Variants in TNS3 observed in about 807,000 individuals in gnomAD.
The protein encoded by TNS3 is tensin-3.
A neutral mutation model predicts 140.9 loss-of-function variants in TNS3; 45 were observed. The observed-to-expected ratio is 0.32, with a 90% CI of 0.25 to 0.41. The LOEUF is 0.41. TNS3 is among the 10% of genes least tolerant of loss of function. TNS3 has a pLI of 1.00. For synonymous variants in TNS3, 815 were observed against 788.4 expected (o/e 1.03, Z -0.56); for missense variants, 1,716 against 1,906.7 (o/e 0.90, Z 1.86).
chr7:47,541,867 T>C (rs1345203255), intron 1 of TNS3, among the ~76,000 whole-genome samples: 1 of 151,164 alleles, frequency 6.6e-6, no homozygotes, highest in East Asian at 1.9e-4. Flanking sequence ...AAGAATGGCA[T>C]GATCCTGAGA....
chr7:47,316,831 A>G (rs1246630061), intron 20 of TNS3, among the ~76,000 whole-genome samples: 4 of 151,744 alleles, frequency 2.6e-5, no homozygotes, highest in African/African-American at 9.6e-5. Context: ...TTATTTGTCT[A>G]TGAACAATCA....
intron 4 of TNS3, among the ~76,000 whole-genome samples, chr7:47,466,483 T>C (rs1213068422): frequency 6.6e-6 from 1 of 152,204 alleles, no homozygotes; most frequent in Non-Finnish European, 1.5e-5. Context: ...GCAATGTATT[T>C]GAAAAAGACT....
At chr7:47,307,479 T>C (rs1786825729) in intron 20 of TNS3, among the ~76,000 whole-genome samples, 1 of 152,138 alleles carries the variant, frequency 6.6e-6, no homozygotes, top group African/African-American at 2.4e-5. Context: ...CACTTTTGGG[T>C]GAATACCTAG....
chr7:47,528,540 T>C lies in TNS3; in HGVS notation c.-153+496A>G, dbSNP rs542585168. Among the ~76,000 whole-genome samples the C allele has an allele frequency of 2.6e-5, 4 of 152,290 alleles. No individual in the cohort carries two copies. In the South Asian group the frequency reaches 8.3e-4, roughly 32 times the overall value. ...TTCATTACAGTCACACCTCTCTTACTAGATTTATTAATGTGCAGTCACAAA... is the reference window on the plus strand; with the variant it reads ...TTCATTACAGTCACACCTCTCTTACCAGATTTATTAATGTGCAGTCACAAA... On this transcript the variant is annotated intron_variant, in intron 2 of 30. Coordinates refer to ENST00000311160, the MANE Select transcript of TNS3 (RefSeq NM_022748.12).
At chr7:47,547,716 T>G (rs939110818) in intron 1 of TNS3, among the ~76,000 whole-genome samples, 14 of 152,078 alleles carry the variant, frequency 9.2e-5, no homozygotes, top group African/African-American at 3.4e-4. Flanking sequence ...CCCTCCACAG[T>G]CCTTTCTCAT....
Position 47,277,976 on chromosome 7 carries a change from G to T in TNS3, c.*100C>A. The T allele has an allele frequency of 7.4e-7, 1 of 1,347,982 alleles. No homozygotes were observed. Among genetic ancestry groups the T allele is most frequent in the Non-Finnish European group, 1.1e-6 (1 of 947,350 alleles). 83.5% of individuals were successfully genotyped at this position (1,347,982 alleles called of 1,614,324 possible). On this transcript the variant is annotated 3_prime_UTR_variant, in exon 31 of 31. Coordinates refer to ENST00000311160, the MANE Select transcript of TNS3 (RefSeq NM_022748.12). ...TTCCCCTCATGGGCCTGGAATGTCA[G>T]GTTTACTAGTTTGGTAAAAAGTGGG... is the stretch of plus-strand genomic sequence containing the variant.
chr7:47,305,165 A>G (rs1292371422), intron 20 of TNS3, among the ~76,000 whole-genome samples, 162 bp from the exon 21 acceptor site: 1 of 152,234 alleles, frequency 6.6e-6, no homozygotes, highest in African/African-American at 2.4e-5. Flanking sequence ...AATAGGCTGG[A>G]GGAGGCGGCC....
rs562980119 is a variant in TNS3 at position 47,293,659 on chromosome 7, C to A, written c.3772+74G>T. ...CACCATAAGAGTGATAGTCCCAAATCTCAGGTTGGTGAGCAGAGGGAATCC... is the reference window on the plus strand; with the variant it reads ...CACCATAAGAGTGATAGTCCCAAATATCAGGTTGGTGAGCAGAGGGAATCC... On this transcript the variant is annotated intron_variant, in intron 25 of 30. Transcript: ENST00000311160. 9.7e-6 allele frequency: 13 copies of A among 1,339,842 alleles called. No homozygotes were observed. In the East Asian group the frequency reaches 1.8e-4, roughly 19 times the overall value. The allele number at this position is 1,339,842 out of a possible 1,614,324, so 83.0% of individuals were successfully genotyped here.
rs536761793 is a variant in TNS3, at chr7:47,396,858, G to A, written c.966C>T (p.Asn322=). The A allele has an allele frequency of 6.6e-5, 107 of 1,614,204 alleles. No individual in the cohort carries two copies. The highest frequency in any genetic ancestry group is 4.5e-4 in the East Asian group (20 of 44,890). The stretch of plus-strand genomic sequence containing the variant: ...CCCAGCGTATCAGTGGGTCTGTTGT[G>A]TTGTAGTCCACAATCACACCGTGGT... The part of the protein sequence containing the change: ...YNDHGVIVDY[N]TTDPLIRWDS... Residue 322 remains asparagine, a synonymous_variant, in exon 16 of 31, where the codon AAC becomes AAT. Transcript: ENST00000311160.
At chr7:47,363,416 T>C (rs887797499) in intron 17 of TNS3, among the ~76,000 whole-genome samples, 2 of 152,208 alleles carry the variant, frequency 1.3e-5, no homozygotes, top group Non-Finnish European at 2.9e-5. Context: ...CCTTCACATA[T>C]AATTTTCATC....
chr7:47,297,739 TAGAACATG>T (rs1312008970), intron 23 of TNS3, among the ~76,000 whole-genome samples: 1 of 151,792 alleles, frequency 6.6e-6, no homozygotes, highest in Non-Finnish European at 1.5e-5. Context: ...TTAAAGATTT[TAGAACATG>T]AGAACATGAA....
At chr7:47,467,010 T>C (rs1010758549) in intron 4 of TNS3, among the ~76,000 whole-genome samples, 2 of 152,134 alleles carry the variant, frequency 1.3e-5, no homozygotes, top group African/African-American at 4.8e-5. Context: ...GTAATGGTGG[T>C]GATGACGGTG....
chr7:47,431,149 AAGTC>A (rs1253774343), intron 8 of TNS3, among the ~76,000 whole-genome samples: 3 of 152,250 alleles, frequency 2.0e-5, no homozygotes, highest in Admixed American at 2.0e-4. Flanking sequence ...CAAAGAAAAA[AAGTC>A]AGAAGAGAGA....
intron 1 of TNS3, among the ~76,000 whole-genome samples, chr7:47,533,540 C>CA (rs1393720524): frequency 1.3e-5 from 2 of 151,114 alleles, no homozygotes; most frequent in Non-Finnish European, 2.9e-5. Context: ...GATCAAAGAA[C>CA]ATTACCAAGG....
chr7:47,554,242 AC>A (rs1800136908), intron 1 of TNS3, among the ~76,000 whole-genome samples: 1 of 147,624 alleles, frequency 6.8e-6, no homozygotes, highest in African/African-American at 2.5e-5. Flanking sequence ...ACATGGTGAA[AC>A]CCTGTCTCTA....
rs549531713 is a variant in TNS3 at position 47,439,788 on chromosome 7, C to T, written c.-22-130G>A. The T allele has an allele frequency of 1.9e-3, 1,730 of 901,808 alleles. 43 individuals are homozygous for T. In the South Asian group the frequency reaches 0.027, roughly 14 times the overall value. The allele number at this position is 901,808 out of a possible 1,614,324, so 55.9% of individuals were successfully genotyped here. On this transcript the variant is annotated intron_variant, in intron 5 of 30. Transcript: ENST00000311160. The stretch of plus-strand genomic sequence containing the variant: ...ACATCAGCACCTGGGCGGCCAGCTA[C>T]GGGAATTTACAGTGTGTGCAGCCTC...
chr7:47,484,603 C>T (rs918399381), intron 3 of TNS3, among the ~76,000 whole-genome samples: 1 of 152,220 alleles, frequency 6.6e-6, no homozygotes, highest in Non-Finnish European at 1.5e-5. Flanking sequence ...GTGTCACTTG[C>T]TGTTCTTCAG....
intron 27 of TNS3, among the ~76,000 whole-genome samples, chr7:47,288,616 T>C (rs1785540811): frequency 6.6e-6 from 1 of 152,064 alleles, no homozygotes; most frequent in South Asian, 2.1e-4. Context: ...GGGTCCACTG[T>C]TACTTTAACA....
chr7:47,341,370 C>CT (rs1789008795), intron 20 of TNS3, among the ~76,000 whole-genome samples: 1 of 152,078 alleles, frequency 6.6e-6, no homozygotes, highest in South Asian at 2.1e-4. Flanking sequence ...CTGAAGATTT[C>CT]TTTTTTGGGA....
Sources: allele counts gnomAD v4.1 joint callset (sites outside exome capture counted in the v4.1 genomes callset), GRCh38; gene constraint gnomAD v4.1.1; transcripts MANE v1.5; gene names NCBI Gene and HGNC (gene_info 2026-07-23, HGNC 2026-07-21).